Variants in VGLL3 observed in about 807,000 individuals in gnomAD.
The protein encoded by VGLL3 is transcription cofactor vestigial-like protein 3.
VGLL3 carries 18 observed loss-of-function variants against 29.2 expected under a neutral mutation model. The observed-to-expected ratio is 0.62, with a 90% CI of 0.43 to 0.91. The LOEUF (loss-of-function observed/expected upper bound fraction) is 0.91, where lower values mean the gene tolerates loss of function less well. Among genes scored for constraint, VGLL3 ranks in the 40% least tolerant of loss-of-function variants. The probability of loss-of-function intolerance (pLI) is 0.00; values close to 1 mark genes in which losing one functional copy is unlikely to be tolerated. For synonymous variants in VGLL3, 180 were observed against 151.8 expected, an observed-to-expected ratio of 1.19 and a Z score of -1.36; for missense variants, 440 against 413.2, an observed-to-expected ratio of 1.06 and a Z score of -0.56.
At chr3:86,988,828 C>T (rs72918113) in intron 1 of VGLL3, among the ~76,000 whole-genome samples, 13,195 of 140,792 alleles carry the variant, frequency 0.094, 1,539 homozygotes, top group African/African-American at 0.27. Context: ...TGTAACCAAT[C>T]AATGTAGATA....
chr3:86,980,986 G>A (rs1025898549), intron 1 of VGLL3, among the ~76,000 whole-genome samples: 35 of 152,076 alleles, frequency 2.3e-4, no homozygotes, highest in Admixed American at 5.2e-4. Context: ...GCATATAAAT[G>A]CTTTATTTGT....
chr3:86,974,186 C>T (rs1256995948), intron 2 of VGLL3, among the ~76,000 whole-genome samples: 2 of 151,092 alleles, frequency 1.3e-5, no homozygotes, highest in African/African-American at 4.9e-5. Flanking sequence ...GGCATAATCT[C>T]GACTCACTGC....
chr3:86,978,494 G>A, intron 2 of VGLL3, 32 bp downstream of exon 2: 1 of 1,606,420 alleles, frequency 6.2e-7, no homozygotes, highest in Non-Finnish European at 8.5e-7. Context: ...CAAAGACAGT[G>A]CCCTGGAGAA....
rs928249266 is a variant in VGLL3, at chr3:86,946,761, T to A, written c.*263A>T. The A allele has an allele frequency of 1.3e-4, 48 of 360,608 alleles. No homozygotes were observed. The highest frequency in any genetic ancestry group is 2.3e-4 in the Non-Finnish European group (46 of 200,878). 22.3% of individuals were successfully genotyped at this position (360,608 alleles called of 1,614,324 possible). On this transcript the variant is annotated 3_prime_UTR_variant, in exon 4 of 4. Coordinates refer to ENST00000398399, the MANE Select transcript of VGLL3 (RefSeq NM_016206.4). Reference sequence around the variant, plus strand: ...AAACAAAAACTTAGCTATATATTGATAAAAGCAAGATAACAAAAGGAGAGA... The same window carrying A: ...AAACAAAAACTTAGCTATATATTGAAAAAAGCAAGATAACAAAAGGAGAGA...
At chr3:86,967,386 C>A (rs1159982715) in intron 3 of VGLL3, among the ~76,000 whole-genome samples, 1 of 152,144 alleles carries the variant, frequency 6.6e-6, no homozygotes, top group Admixed American at 6.5e-5. Context: ...ATTACCAAGT[C>A]CCCTGATACT....
Position 86,990,803 on chromosome 3 carries a change from G to A in VGLL3, c.-60C>T. The A allele has an allele frequency of 8.2e-7, 1 of 1,224,530 alleles. No homozygotes were observed. The allele number at this position is 1,224,530 out of a possible 1,614,324, so 75.9% of individuals were successfully genotyped here. A position where few individuals can be genotyped will look rare whatever the true frequency, so the allele number is the denominator to read the frequency against. On this transcript the variant is annotated 5_prime_UTR_variant, in exon 1 of 4. Coordinates refer to ENST00000398399, the MANE Select transcript of VGLL3 (RefSeq NM_016206.4). The stretch of plus-strand genomic sequence containing the variant: ...CCGCCGCTCTACGCGCTGGCGCGAG[G>A]GGCGCGGGCGCCGCCGCCGCCGCAG...
At chr3:86,975,195 CTG>C (rs1227251972) in intron 2 of VGLL3, among the ~76,000 whole-genome samples, 1 of 152,196 alleles carries the variant, frequency 6.6e-6, no homozygotes, top group East Asian at 1.9e-4. Context: ...ACTCCAAAGA[CTG>C]TATTTTCCAA....
At chr3:86,950,610 A>C (rs1047915674) in intron 3 of VGLL3, among the ~76,000 whole-genome samples, 1 of 152,212 alleles carries the variant, frequency 6.6e-6, no homozygotes, top group Non-Finnish European at 1.5e-5. Flanking sequence ...ACCCTGATTT[A>C]ACAGAACTGA....
chr3:86,986,073 G>A (rs1476434451), intron 1 of VGLL3, among the ~76,000 whole-genome samples: 6 of 150,390 alleles, frequency 4.0e-5, no homozygotes, highest in African/African-American at 9.8e-5. Context: ...ATACACACAC[G>A]CACATAGCCC....
chr3:86,961,118 A>G (rs1346102490), intron 3 of VGLL3, among the ~76,000 whole-genome samples: 1 of 151,964 alleles, frequency 6.6e-6, no homozygotes, highest in Non-Finnish European at 1.5e-5. Flanking sequence ...TTTATAACAA[A>G]ATTGTAGCTA....
chr3:86,982,006 C>G (rs1270931861), intron 1 of VGLL3, among the ~76,000 whole-genome samples: 1 of 152,110 alleles, frequency 6.6e-6, no homozygotes, highest in Non-Finnish European at 1.5e-5. Flanking sequence ...ATGAGGAAAA[C>G]AGAAATACAG....
chr3:86,967,835 G>A (rs1157495086), intron 3 of VGLL3, among the ~76,000 whole-genome samples: 1 of 152,156 alleles, frequency 6.6e-6, no homozygotes, highest in Non-Finnish European at 1.5e-5. Flanking sequence ...TCAGACATTT[G>A]ACACAGAACC....
At chr3:86,961,807 T>C (rs748878051) in intron 3 of VGLL3, 37 of 509,680 alleles carry the variant, frequency 7.3e-5, no homozygotes, top group Non-Finnish European at 9.1e-5. Context: ...CTATGGCTTC[T>C]ATTATGCAGA....
rs908799136 is a variant in VGLL3 at position 86,946,833 on chromosome 3, A to T, written c.*191T>A. The stretch of plus-strand genomic sequence containing the variant: ...CAGATGAGGAAATAAACAAATAAAA[A>T]TGCTTTTCTTCAATGTCTGGGACCC... On this transcript the variant is annotated 3_prime_UTR_variant, in exon 4 of 4. Transcript: ENST00000398399. 1.9e-6 allele frequency: 1 copy of T among 517,462 alleles called. No individual in the cohort carries two copies. The highest frequency in any genetic ancestry group is 3.5e-6 in the Non-Finnish European group (1 of 289,464). The allele number at this position is 517,462 out of a possible 1,614,324, so 32.1% of individuals were successfully genotyped here.
chr3:86,948,284 C>G (rs1024121857), intron 3 of VGLL3, among the ~76,000 whole-genome samples: 16 of 152,138 alleles, frequency 1.1e-4, no homozygotes, highest in Admixed American at 7.2e-4. Flanking sequence ...TCTGCTTGAC[C>G]TTTGATCTGA....
At chr3:86,970,684 TGAAG>T (rs747737727) in intron 2 of VGLL3, among the ~76,000 whole-genome samples, 8 of 152,106 alleles carry the variant, frequency 5.3e-5, no homozygotes, top group Non-Finnish European at 5.9e-5. Flanking sequence ...CAATGGGCTT[TGAAG>T]GGTTTTAATC....
At chr3:86,959,856 C>T (rs1391460974) in intron 3 of VGLL3, among the ~76,000 whole-genome samples, 1 of 152,074 alleles carries the variant, frequency 6.6e-6, no homozygotes, top group African/African-American at 2.4e-5. Context: ...GGTGGGTTAG[C>T]ACCAGACCAC....
rs1410735023 is a variant in VGLL3, at chr3:86,946,463, A to G, written c.*561T>C. ...GTAACCTAGAAAGCACAGACAGAGC[A>G]TATAATAGACATCTTAGAGATAAGC... is the stretch of plus-strand genomic sequence containing the variant. On this transcript the variant is annotated 3_prime_UTR_variant, in exon 4 of 4. Transcript: ENST00000398399. 1 of 152,304 alleles carries G rather than the reference A, an allele frequency of 6.6e-6. No homozygotes were observed. Among genetic ancestry groups the G allele is most frequent in the African/African-American group, 2.4e-5 (1 of 41,472 alleles). The allele number at this position is 152,304 out of a possible 1,614,324, so 9.4% of individuals were successfully genotyped here. A position where few individuals can be genotyped will look rare whatever the true frequency, so the allele number is the denominator to read the frequency against.
intron 1 of VGLL3, among the ~76,000 whole-genome samples, chr3:86,982,115 C>T (rs2107060207): frequency 6.6e-6 from 1 of 152,218 alleles, no homozygotes; most frequent in Admixed American, 6.5e-5. Context: ...TGTCTGTGTT[C>T]TGTTGACTGT....
Sources: gnomAD v4.1 joint callset for allele counts (sites outside exome capture counted in the v4.1 genomes callset) on GRCh38, gnomAD v4.1.1 for gene constraint, MANE v1.5 for transcripts, NCBI Gene and HGNC (gene_info 2026-07-23, HGNC 2026-07-21) for gene names.